HIPK1: variants seen among roughly 807,000 people sequenced by gnomAD.
HIPK1 encodes homeodomain interacting protein kinase 1, also known as homeodomain-interacting protein kinase 1.
In HIPK1, 28 loss-of-function variants were observed where a neutral mutation model predicts 117.1. That is an observed-to-expected ratio of 0.24 (90% CI 0.18 to 0.33). HIPK1 has a LOEUF of 0.33. Among genes scored for constraint, HIPK1 ranks in the 10% least tolerant of loss-of-function variants. The pLI is 1.00. For synonymous variants in HIPK1, 605 were observed against 562.5 expected (o/e 1.08, Z -1.07); for missense variants, 1,122 against 1,475.1 (o/e 0.76, Z 3.92).
In HIPK1 at chr1:113,973,702, G is replaced by A; in HGVS notation, c.*190G>A. 1 of 528,928 alleles carries A rather than the reference G, an allele frequency of 1.9e-6. No individual in the cohort carries two copies. Among genetic ancestry groups the A allele is most frequent in the African/African-American group, 2.0e-5 (1 of 51,234 alleles). 32.8% of individuals were successfully genotyped at this position (528,928 alleles called of 1,614,324 possible). ...TCTCAGTGTTGACTGCATTGTTGTA[G>A]TCTTCCCAAAGTTTGCCCTATTTTT... is the stretch of plus-strand genomic sequence containing the variant. On this transcript the variant is annotated 3_prime_UTR_variant, in exon 16 of 16. Coordinates refer to ENST00000426820, the MANE Select transcript of HIPK1 (RefSeq NM_198268.3).
intron 1 of HIPK1, chr1:113,930,487 C>T (rs1343027979): frequency 1.3e-5 from 2 of 152,176 alleles, no homozygotes; most frequent in Non-Finnish European, 2.9e-5. Context: ...CTACGTGAGA[C>T]CAGCCCACCT....
intron 5 of HIPK1, among the ~76,000 whole-genome samples, chr1:113,956,066 C>CT (rs1671696719): frequency 1.4e-5 from 2 of 140,188 alleles, no homozygotes; most frequent in African/African-American, 5.2e-5. Context: ...CTACTTGTTC[C>CT]ATTTTTTTTT....
At chr1:113,936,999 A>G (rs1207825660) in intron 1 of HIPK1, among the ~76,000 whole-genome samples, 2 of 152,200 alleles carry the variant, frequency 1.3e-5, no homozygotes, top group Non-Finnish European at 2.9e-5. Flanking sequence ...AAATACTTAC[A>G]CATATATTTT....
rs751268594 is a variant in HIPK1, at chr1:113,967,837, C to T, written c.2453C>T (p.Thr818Ile). Residue 818 changes from threonine to isoleucine, a missense_variant, in exon 12 of 16, where the codon ACA becomes ATA. Physicochemically the swap from Thr to Ile is moderately conservative, Grantham distance 89. Transcript: ENST00000426820. The stretch of plus-strand genomic sequence containing the variant: ...CCATCCTTGCTGACTAACCATGTGA[C>T]ATTGGCCACTGCTCAGCCTCTGAAT... Reference protein sequence around the residue: ...QQPSLLTNHVTLATAQPLNVG... With the variant: ...QQPSLLTNHVILATAQPLNVG... 1 of 1,612,612 alleles carries T rather than the reference C, an allele frequency of 6.2e-7. No individual in the cohort carries two copies. Among genetic ancestry groups the T allele is most frequent in the Non-Finnish European group, 8.5e-7 (1 of 1,179,692 alleles).
At chr1:113,970,246 A>C (rs373506713) in intron 14 of HIPK1, 49 bp downstream of exon 14, 4 of 1,603,386 alleles carry the variant, frequency 2.5e-6, no homozygotes, top group African/African-American at 1.3e-5. Flanking sequence ...TGATGTGTGA[A>C]TGCTTAAATA....
At chr1:113,955,489 C>T (rs910131782) in intron 4 of HIPK1, 74 bp from the exon 5 acceptor site, 17 of 888,006 alleles carry the variant, frequency 1.9e-5, no homozygotes, top group Middle Eastern at 2.2e-4. Context: ...CTCTTGTATT[C>T]TGGCTTTGGT....
At chr1:113,929,858 G>A (rs1413573283) in intron 1 of HIPK1, 1 of 987,676 alleles carries the variant, frequency 1.0e-6, no homozygotes, top group Non-Finnish European at 1.2e-6. Context: ...TGATGACCCG[G>A]CTGCGGGGCC....
Position 113,941,303 on chromosome 1 carries a change from A to G in HIPK1, c.920A>G (p.Lys307Arg), listed in dbSNP as rs749524060. 2 of 1,614,242 alleles carry G rather than the reference A, an allele frequency of 1.2e-6. No homozygotes were observed. The highest frequency in any genetic ancestry group is 1.7e-5 in the Admixed American group (1 of 60,030). Residue 307 changes from lysine to arginine, a missense_variant, in exon 2 of 16, where the codon AAG becomes AGG. Around this residue, in one of 6 missense-constraint regions of HIPK1, gnomAD observed 62 missense variants for 121.5 expected, o/e 0.51. Transcript: ENST00000426820. The surrounding 1 kb of genome is among the most constrained non-coding windows in gnomAD (Gnocchi z 4.9). ...GTGGCCACAGCCTTGATGAAGCTCA[A>G]GAGTCTTGGTCTGATCCACGCTGAC... is the stretch of plus-strand genomic sequence containing the variant. The part of the protein sequence containing the change: ...QQVATALMKL[K>R]SLGLIHADLK...
At chr1:113,940,239 GA>G in intron 1 of HIPK1, 142 bp from the exon 2 acceptor site, 5 of 775,166 alleles carry the variant, frequency 6.5e-6, no homozygotes, top group Non-Finnish European at 1.0e-5. Flanking sequence ...GGTCAAGATT[GA>G]ATTAGTTTTT....
chr1:113,931,693 C>G (rs1571634053), intron 1 of HIPK1, among the ~76,000 whole-genome samples: 1 of 152,106 alleles, frequency 6.6e-6, no homozygotes, highest in East Asian at 1.9e-4. Context: ...AAATAAACTT[C>G]TTTCATTCTG....
At chr1:113,972,044 G>A (rs1571736640) in intron 15 of HIPK1, 90 bp downstream of exon 15, 1 of 1,613,132 alleles carries the variant, frequency 6.2e-7, no homozygotes, top group Non-Finnish European at 8.5e-7. Context: ...GCTGAATAAA[G>A]CCAAATGAAG....
In HIPK1 at chr1:113,939,217, C is replaced by T. The variant is rs1032225290; in HGVS notation, c.-2-1165C>T. On this transcript the variant is annotated intron_variant, in intron 1 of 15. Transcript: ENST00000426820. ...TCACCCTGGCTGGAGTGCAGTGGCA[C>T]GATCACAGCTCACTGCAGCCTCTAC... is the stretch of plus-strand genomic sequence containing the variant. Among the ~76,000 whole-genome samples, 13 of 151,850 alleles carry T rather than the reference C, an allele frequency of 8.6e-5. No homozygotes were observed. In the South Asian group the frequency reaches 1.7e-3, roughly 19 times the overall value.
At chr1:113,946,169 C>A (rs528820504) in intron 2 of HIPK1, among the ~76,000 whole-genome samples, 86 of 152,266 alleles carry the variant, frequency 5.6e-4, no homozygotes, top group South Asian at 1.0e-3. Flanking sequence ...TTAATGCTCT[C>A]CTTTGAGCAG....
Position 113,950,693 on chromosome 1 carries a change from G to A in HIPK1, c.1077-2073G>A, listed in dbSNP as rs138172459. Among the ~76,000 whole-genome samples the A allele has an allele frequency of 3.2e-3, 490 of 152,242 alleles. 5 individuals are homozygous for A. The highest frequency in any genetic ancestry group is 0.011 in the African/African-American group (473 of 41,540). ...AATTTTTGTATTTTTAGTAGAGATG[G>A]AGTTTCACCGTGTTGACCAGGCTGT... On this transcript the variant is annotated intron_variant, in intron 2 of 15. Coordinates refer to ENST00000426820, the MANE Select transcript of HIPK1 (RefSeq NM_198268.3).
chr1:113,945,773 C>G (rs1371585474), intron 2 of HIPK1, among the ~76,000 whole-genome samples: 1 of 152,144 alleles, frequency 6.6e-6, no homozygotes, highest in Non-Finnish European at 1.5e-5. Context: ...AGTTTGAAAT[C>G]AGGAAGTGTG....
intron 3 of HIPK1, among the ~76,000 whole-genome samples, chr1:113,953,130 T>A (rs1671476340): frequency 6.6e-6 from 1 of 152,218 alleles, no homozygotes. Context: ...GTTGATACTT[T>A]GCTAGATCTG....
At chr1:113,972,046 CA>C (rs753431911) in intron 15 of HIPK1, 92 bp downstream of exon 15, 23 of 1,613,088 alleles carry the variant, frequency 1.4e-5, no homozygotes, top group Non-Finnish European at 1.9e-5. Context: ...TGAATAAAGC[CA>C]AATGAAGCCC....
intron 1 of HIPK1, among the ~76,000 whole-genome samples, chr1:113,932,516 C>T (rs1445881791): frequency 2.6e-5 from 4 of 151,802 alleles, no homozygotes; most frequent in Middle Eastern, 3.4e-3. Flanking sequence ...ACTACAGGCA[C>T]TACAGGCACG....
chr1:113,958,389 C>T, intron 8 of HIPK1, 98 bp downstream of exon 8: 1 of 805,772 alleles, frequency 1.2e-6, no homozygotes, highest in South Asian at 1.8e-5. Flanking sequence ...AGTTTAAACT[C>T]TGTCTCTGAT....
Sources: allele counts gnomAD v4.1 joint callset (sites outside exome capture counted in the v4.1 genomes callset), GRCh38; gene constraint gnomAD v4.1.1; regional missense constraint gnomAD v4.1.1; non-coding constraint Gnocchi (gnomAD v3.1); transcripts MANE v1.5; gene names NCBI Gene and HGNC (gene_info 2026-07-23, HGNC 2026-07-21).